Variants in IRF2 observed in about 807,000 individuals in gnomAD.
The protein encoded by IRF2 is interferon regulatory factor 2.
IRF2 carries 15 observed loss-of-function variants against 40.6 expected under a neutral mutation model. The observed-to-expected ratio is 0.37, with a 90% confidence interval of 0.25 to 0.57. The LOEUF (loss-of-function observed/expected upper bound fraction) is 0.57. IRF2 is among the 20% of genes least tolerant of loss of function. The pLI is 0.77. For missense variants in IRF2, 317 were observed against 455.7 expected (o/e 0.70, Z 2.77); for synonymous variants, 151 against 165.5 (o/e 0.91, Z 0.67).
chr4:184,395,891 C>CT (rs1736437682), intron 7 of IRF2, among the ~76,000 whole-genome samples: 2 of 152,236 alleles, frequency 1.3e-5, no homozygotes, highest in African/African-American at 4.8e-5. Flanking sequence ...CATGGATCTG[C>CT]TGTTCTCCGG....
At chr4:184,473,046 C>T (rs913146928) in intron 1 of IRF2, among the ~76,000 whole-genome samples, 41 of 152,260 alleles carry the variant, frequency 2.7e-4, no homozygotes, top group African/African-American at 9.6e-4. Flanking sequence ...CGGACGCCGG[C>T]CCCCAGGCCG....
chr4:184,399,578 T>G (rs1260312200), intron 6 of IRF2, among the ~76,000 whole-genome samples: 1 of 152,228 alleles, frequency 6.6e-6, no homozygotes, highest in Non-Finnish European at 1.5e-5. Context: ...TTGTGTCACA[T>G]CTAGCTGTGT....
chr4:184,432,804 T>C (rs1202682986), intron 1 of IRF2, among the ~76,000 whole-genome samples: 3 of 152,158 alleles, frequency 2.0e-5, no homozygotes, highest in South Asian at 2.1e-4. Flanking sequence ...CAGCTAACCA[T>C]GCCTGGAGCC....
chr4:184,414,595 G>C (rs1427063604), intron 5 of IRF2, among the ~76,000 whole-genome samples: 6 of 152,256 alleles, frequency 3.9e-5, no homozygotes, highest in Non-Finnish European at 8.8e-5. Context: ...TGAGTTTGTA[G>C]GGATATGCTC....
chr4:184,437,042 A>C (rs1738105687), intron 1 of IRF2, among the ~76,000 whole-genome samples: 1 of 151,926 alleles, frequency 6.6e-6, no homozygotes, highest in African/African-American at 2.4e-5. Flanking sequence ...CATCCACTAC[A>C]CCCAGCTAAT....
At chr4:184,447,804 G>T (rs561719121) in intron 1 of IRF2, among the ~76,000 whole-genome samples, 1 of 152,346 alleles carries the variant, frequency 6.6e-6, no homozygotes, top group Admixed American at 6.5e-5. Context: ...ATTGTCAAAA[G>T]TGTCAAGTTC....
intron 3 of IRF2, among the ~76,000 whole-genome samples, 194 bp from the exon 4 acceptor site, chr4:184,418,902 A>C (rs1737377405): frequency 6.6e-6 from 1 of 152,158 alleles, no homozygotes; most frequent in South Asian, 2.1e-4. Context: ...TTGTTTTTAA[A>C]ACCTGAACAG....
At chr4:184,400,283 C>T (rs1479252445) in intron 6 of IRF2, among the ~76,000 whole-genome samples, 1 of 152,184 alleles carries the variant, frequency 6.6e-6, no homozygotes, top group East Asian at 1.9e-4. Context: ...TTAATTTGTT[C>T]ATTTCAAGGA....
chr4:184,399,087 GAA>G lies in IRF2; in HGVS notation c.530-10_530-9del. On this transcript the variant is annotated splice_polypyrimidine_tract_variant and intron_variant, in intron 6 of 8. Transcript: ENST00000393593. The stretch of plus-strand genomic sequence containing the variant: ...GATGGGACTGTCCTACAACTTCAAA[GAA>G]AAGACAGCCATCATGCAAAGTCTGC... 6.3e-7 allele frequency: 1 copy of G among 1,575,920 alleles called. No homozygotes were observed. The highest frequency in any genetic ancestry group is 8.6e-7 in the Non-Finnish European group (1 of 1,163,310).
At chr4:184,410,017 T>C (rs1166833025) in intron 5 of IRF2, among the ~76,000 whole-genome samples, 1 of 152,078 alleles carries the variant, frequency 6.6e-6, no homozygotes, top group African/African-American at 2.4e-5. Flanking sequence ...CAACCAAACT[T>C]CCGACCCGCT....
intron 7 of IRF2, among the ~76,000 whole-genome samples, chr4:184,397,547 T>C (rs1736514090): frequency 6.6e-6 from 1 of 151,434 alleles, no homozygotes; most frequent in Non-Finnish European, 1.5e-5. Context: ...AAAAAGAAAG[T>C]TGGCATTCAG....
At chr4:184,456,979 G>A (rs561293520) in intron 1 of IRF2, among the ~76,000 whole-genome samples, 2 of 152,316 alleles carry the variant, frequency 1.3e-5, no homozygotes, top group Admixed American at 6.5e-5. Flanking sequence ...CAAGGCAGCC[G>A]GTCACCCCAG....
intron 6 of IRF2, among the ~76,000 whole-genome samples, chr4:184,399,905 A>C (rs769206208): frequency 9.2e-5 from 14 of 152,258 alleles, no homozygotes; most frequent in Non-Finnish European, 2.1e-4. Context: ...TACAGTTGTA[A>C]GAAATAATAC....
chr4:184,470,689 C>CAAAAAAAA (rs70959201), intron 1 of IRF2, among the ~76,000 whole-genome samples: 1 of 22,066 alleles, frequency 4.5e-5, no homozygotes, highest in Non-Finnish European at 1.0e-4. Flanking sequence ...GACTCTGCCT[C>CAAAAAAAA]AAAAAAAAAA....
rs567587528 is a variant in IRF2, at chr4:184,391,588, T to C, written c.695-839A>G. On this transcript the variant is annotated intron_variant, in intron 7 of 8. Coordinates refer to ENST00000393593, the MANE Select transcript of IRF2 (RefSeq NM_002199.4). ...TTAATTTTGCCAAAACCACATGAGCTTGGAAATGGACCCTTCCCCAGTTGA... is the reference window on the plus strand; with the variant it reads ...TTAATTTTGCCAAAACCACATGAGCCTGGAAATGGACCCTTCCCCAGTTGA... 5.3e-5 allele frequency among the ~76,000 whole-genome samples: 8 copies of C among 152,284 alleles called. No homozygotes were observed. In the East Asian group the frequency reaches 1.5e-3, roughly 29 times the overall value.
At chr4:184,404,442 T>G (rs1736777411) in intron 6 of IRF2, among the ~76,000 whole-genome samples, 1 of 152,220 alleles carries the variant, frequency 6.6e-6, no homozygotes. Flanking sequence ...GAGTGATTTA[T>G]CTGTACATTT....
intron 7 of IRF2, among the ~76,000 whole-genome samples, chr4:184,392,235 TAA>T (rs1736284604): frequency 6.6e-6 from 1 of 152,240 alleles, no homozygotes; most frequent in Non-Finnish European, 1.5e-5. Context: ...AGACAAGGCC[TAA>T]AGAGTAACTG....
Position 184,429,043 on chromosome 4 carries a change from T to G in IRF2, c.22A>C (p.Met8Leu). ...ATCTGCTCCTCCAGCCACGGGCGCA[T>G]GCGCATCCTTTCCACCGGCATGGTG... MPVERMR[M>L]RPWLEEQINS... Residue 8 changes from methionine (M) to leucine (L), a missense_variant, in exon 2 of 9, where the codon ATG becomes CTG. Coordinates refer to ENST00000393593, the MANE Select transcript of IRF2 (RefSeq NM_002199.4). 6.2e-6 allele frequency: 10 copies of G among 1,614,048 alleles called. No individual in the cohort carries two copies. Among genetic ancestry groups the G allele is most frequent in the Non-Finnish European group, 8.5e-6 (10 of 1,179,918 alleles).
intron 2 of IRF2, among the ~76,000 whole-genome samples, chr4:184,425,325 G>A (rs1281472806): frequency 1.3e-5 from 2 of 152,218 alleles, no homozygotes; most frequent in Non-Finnish European, 2.9e-5. Flanking sequence ...CTAAGTTAAC[G>A]GAAACCTATA....
Sources: gnomAD v4.1 joint callset for allele counts (sites outside exome capture counted in the v4.1 genomes callset) on GRCh38, gnomAD v4.1.1 for gene constraint, MANE v1.5 for transcripts, NCBI Gene and HGNC (gene_info 2026-07-23, HGNC 2026-07-21) for gene names.